OR2L2: variants seen among roughly 807,000 people sequenced by gnomAD.
The protein encoded by OR2L2 is olfactory receptor family 2 subfamily L member 2.
For synonymous variants in OR2L2, 156 were observed against 135.4 expected (o/e 1.15, Z -1.06); for missense variants, 378 against 375.2 (o/e 1.01, Z -0.06).
intron 1 of OR2L2, among the ~76,000 whole-genome samples, chr1:248,034,309 T>C (rs975716168): frequency 6.6e-6 from 1 of 152,150 alleles, no homozygotes; most frequent in Non-Finnish European, 1.5e-5. Context: ...CTCAAATTCA[T>C]ATGGAACCAA....
At position 248,041,690 on chromosome 1, in the gene OR2L2, G is replaced by T. The variant is rs985244472; in HGVS notation, c.*2484G>T. The T allele has an allele frequency of 2.0e-5, 3 of 152,092 alleles. No homozygotes were observed. Among genetic ancestry groups the T allele is most frequent in the Non-Finnish European group, 2.9e-5 (2 of 68,022 alleles). The allele number at this position is 152,092 out of a possible 1,614,324, so 9.4% of individuals were successfully genotyped here. On this transcript the variant is annotated 3_prime_UTR_variant, in exon 3 of 3. Coordinates refer to ENST00000641771, the MANE Select transcript of OR2L2 (RefSeq NM_001385855.1). ...AAAAAACAAACAACCCCATCAAAAA[G>T]TGGGTGAAGGACATGAACAGACACT...
At chr1:248,034,517 C>T (rs545239589) in intron 1 of OR2L2, among the ~76,000 whole-genome samples, 2 of 152,254 alleles carry the variant, frequency 1.3e-5, no homozygotes, top group Non-Finnish European at 2.9e-5. Context: ...AAAGATTTAT[C>T]ATTAGAATTT....
rs143360089 is a variant in OR2L2, at chr1:248,039,045, C to T, written c.778C>T (p.Arg260Cys). ...YYAPFAYTYV[R>C]PRSLRSPTED... ...TGCACCCTTTGCTTATACCTATGTA[C>T]GTCCAAGATCCCTGCGATCTCCAAC... is the stretch of plus-strand genomic sequence containing the variant. Residue 260 changes from arginine (R) to cysteine (C), a missense_variant, in exon 3 of 3, where the codon CGT becomes TGT. By Grantham distance (180) the Arg-to-Cys change is radical (BLOSUM62 -3). Transcript: ENST00000641771. 1.3e-4 allele frequency: 207 copies of T among 1,614,070 alleles called. 1 individual carries two copies. The highest frequency in any genetic ancestry group is 9.9e-4 in the Middle Eastern group (6 of 6,062).
chr1:248,036,208 T>G (rs1405378353), intron 2 of OR2L2, among the ~76,000 whole-genome samples: 1 of 152,192 alleles, frequency 6.6e-6, no homozygotes, highest in African/African-American at 2.4e-5. Context: ...CCTGTTGCAT[T>G]AATTTTCTAA....
intron 1 of OR2L2, among the ~76,000 whole-genome samples, chr1:248,032,606 A>G (rs1662649101): frequency 6.6e-6 from 1 of 152,204 alleles, no homozygotes; most frequent in South Asian, 2.1e-4. Context: ...AATTCATACA[A>G]TACTTGCCTG....
intron 1 of OR2L2, among the ~76,000 whole-genome samples, chr1:248,034,715 G>C (rs1216798205): frequency 6.6e-6 from 1 of 152,074 alleles, no homozygotes; most frequent in East Asian, 1.9e-4. Flanking sequence ...TAATCCTTAA[G>C]TGTTTCGTTT....
At position 248,038,249 on chromosome 1, in the gene OR2L2, T is replaced by C; in HGVS notation, c.-19T>C. 6.5e-7 allele frequency: 1 copy of C among 1,535,024 alleles called. No individual in the cohort carries two copies. Among genetic ancestry groups the C allele is most frequent in the Non-Finnish European group, 9.0e-7 (1 of 1,116,570 alleles). On this transcript the variant is annotated splice_region_variant and 5_prime_UTR_variant, in exon 3 of 3. An upstream start codon of the reference 5' UTR is lost. Transcript: ENST00000641771. ...TTTACCCTTTTGTCTCCCTTCAGGA[T>C]GGATTGTAGGAATTCCCCATGGAAA...
chr1:248,033,503 C>G (rs767428825), intron 1 of OR2L2, among the ~76,000 whole-genome samples: 8 of 151,770 alleles, frequency 5.3e-5, no homozygotes, highest in Non-Finnish European at 1.0e-4. Flanking sequence ...GTGGTGTGAT[C>G]TTGGCTCACT....
intron 1 of OR2L2, among the ~76,000 whole-genome samples, chr1:248,031,293 A>C (rs1662613909): frequency 6.6e-6 from 1 of 152,226 alleles, no homozygotes; most frequent in Non-Finnish European, 1.5e-5. Flanking sequence ...GAACATGAAT[A>C]ATCAAAGAGA....
chr1:248,035,743 AC>A (rs1392884382), intron 2 of OR2L2, 119 bp downstream of exon 2: 3 of 152,110 alleles, frequency 2.0e-5, no homozygotes, highest in Admixed American at 2.0e-4. Context: ...TTGACTCATG[AC>A]ATAGGCCACA....
chr1:248,038,463 T>A lies in OR2L2; in HGVS notation c.196T>A (p.Ser66Thr). 6.2e-7 allele frequency: 1 copy of A among 1,613,860 alleles called. No homozygotes were observed. Among genetic ancestry groups the A allele is most frequent in the Non-Finnish European group, 8.5e-7 (1 of 1,179,758 alleles). Reference protein sequence around the residue: ...TPMYFLLSQLSLIDLNYISTI... With the variant: ...TPMYFLLSQLTLIDLNYISTI... The stretch of plus-strand genomic sequence containing the variant: ...TATGTATTTCCTACTTAGTCAGCTC[T>A]CCCTCATTGACCTAAATTACATCTC... Residue 66 changes from serine (S) to threonine (T), a missense_variant, in exon 3 of 3, where the codon TCC becomes ACC. Physicochemically the swap from Ser to Thr is moderately conservative, Grantham distance 58. Coordinates refer to ENST00000641771, the MANE Select transcript of OR2L2 (RefSeq NM_001385855.1).
intron 2 of OR2L2, among the ~76,000 whole-genome samples, 158 bp downstream of exon 2, chr1:248,035,782 T>C (rs939744082): frequency 6.6e-6 from 1 of 152,030 alleles, no homozygotes; most frequent in African/African-American, 2.4e-5. Context: ...TCCCCCAACA[T>C]CACTACCCCC....
chr1:248,038,379 C>A lies in OR2L2; in HGVS notation c.112C>A (p.Leu38Ile), dbSNP rs752820461. The A allele has an allele frequency of 6.2e-7, 1 of 1,613,452 alleles. No homozygotes were observed. The highest frequency in any genetic ancestry group is 8.5e-7 in the Non-Finnish European group (1 of 1,179,434). ...CATTTTTCTCATTTTCCTAATGGCTCTAATTGGAAATCTATCCATGATTCT... is the reference window on the plus strand; with the variant it reads ...CATTTTTCTCATTTTCCTAATGGCTATAATTGGAAATCTATCCATGATTCT... The part of the protein sequence containing the change: ...TLIFLIFLMA[L>I]IGNLSMILLI... Residue 38 changes from leucine (L) to isoleucine (I), a missense_variant, in exon 3 of 3, where the codon CTA becomes ATA. Leu to Ile is a conservative substitution (Grantham distance 5). Transcript: ENST00000641771.
chr1:248,033,952 T>C (rs533899807), intron 1 of OR2L2, among the ~76,000 whole-genome samples: 1 of 152,272 alleles, frequency 6.6e-6, no homozygotes, highest in Non-Finnish European at 1.5e-5. Flanking sequence ...CCCTCTTTGC[T>C]TATAATATGA....
intron 2 of OR2L2, among the ~76,000 whole-genome samples, chr1:248,036,457 C>T (rs1662763241): frequency 6.6e-6 from 1 of 152,118 alleles, no homozygotes; most frequent in African/African-American, 2.4e-5. Context: ...TAAAAACTCA[C>T]TCTTTTTGCA....
In OR2L2 at chr1:248,038,327, A is replaced by G. The variant is rs973328099; in HGVS notation, c.60A>G (p.Ser20=). Residue 20 remains serine (S), a synonymous_variant, in exon 3 of 3, where the codon TCA becomes TCG. Coordinates refer to ENST00000641771, the MANE Select transcript of OR2L2 (RefSeq NM_001385855.1). ...TCTTATTGGGGCTGTTCCCACAATC[A>G]AGAATTGGCCTTTTCGTATTCACCC... ...DFILLGLFPQ[S]RIGLFVFTLI... The G allele has an allele frequency of 2.5e-6, 4 of 1,613,682 alleles. No homozygotes were observed. Among genetic ancestry groups the G allele is most frequent in the South Asian group, 2.2e-5 (2 of 91,048 alleles).
chr1:248,035,243 G>T (rs1481538311), intron 1 of OR2L2, among the ~76,000 whole-genome samples: 2 of 152,032 alleles, frequency 1.3e-5, no homozygotes, highest in Non-Finnish European at 1.5e-5. Context: ...GAGGTCAGGA[G>T]ATCGAGACCA....
At chr1:248,032,652 G>A (rs1662649645) in intron 1 of OR2L2, among the ~76,000 whole-genome samples, 1 of 151,950 alleles carries the variant, frequency 6.6e-6, no homozygotes, top group Non-Finnish European at 1.5e-5. Context: ...ATGTAATCAA[G>A]TTTCATCTAT....
chr1:248,031,472 T>A (rs757194829), intron 1 of OR2L2, among the ~76,000 whole-genome samples: 1 of 152,206 alleles, frequency 6.6e-6, no homozygotes, highest in African/African-American at 2.4e-5. Flanking sequence ...TGGGCAGTGC[T>A]TCCCCTTCTG....
Sources: gnomAD v4.1 joint callset for allele counts (sites outside exome capture counted in the v4.1 genomes callset) on GRCh38, gnomAD v4.1.1 for gene constraint, MANE v1.5 for transcripts, NCBI Gene and HGNC (gene_info 2026-07-23, HGNC 2026-07-21) for gene names.